USP1: variants seen among roughly 807,000 people sequenced by gnomAD.
USP1 encodes the protein ubiquitin specific peptidase 1, also known as ubiquitin carboxyl-terminal hydrolase 1.
A neutral mutation model predicts 72.2 loss-of-function variants in USP1; 18 were observed. That is an observed-to-expected ratio of 0.25 (90% confidence interval 0.17 to 0.37). The LOEUF is 0.37. Among genes scored for constraint, USP1 ranks in the 10% least tolerant of loss-of-function variants. The pLI, the probability that USP1 is intolerant of heterozygous loss-of-function variation, is 1.00. For synonymous variants in USP1, 354 were observed against 303.7 expected (o/e 1.17, Z -1.72); for missense variants, 759 against 884.9 (o/e 0.86, Z 1.81).
chr1:62,448,374 A>C (rs1177912487), intron 7 of USP1, 91 bp from the exon 8 acceptor site: 2 of 1,286,848 alleles, frequency 1.6e-6, no homozygotes, highest in African/African-American at 3.0e-5. Context: ...CGGTCAATTG[A>C]AATTAAATGC....
At chr1:62,445,628 ATGTG>A (rs200414459) in intron 6 of USP1, among the ~76,000 whole-genome samples, 199 bp downstream of exon 6, 15 of 117,174 alleles carry the variant, frequency 1.3e-4, no homozygotes, top group Non-Finnish European at 2.2e-4. Context: ...ATGCATATAT[ATGTG>A]TGTGTGTGTG....
chr1:62,445,230 C>T lies in USP1; in HGVS notation c.1050C>T (p.Ser350=), dbSNP rs140409730. The T allele has an allele frequency of 3.2e-4, 514 of 1,612,142 alleles. 2 individuals carry two copies. In the African/African-American group the frequency reaches 6.4e-3, roughly 20 times the overall value. ...NWLKSATKQP[S]ILSKFCSLGK... is the part of the protein sequence containing the mutation. The stretch of plus-strand genomic sequence containing the variant: ...TAAAGTCTGCAACTAAGCAACCCAG[C>T]ATTCTTTCTAAATTTTGTAGTCTGG... Residue 350 remains serine (S), a synonymous_variant, in exon 6 of 9, where the codon AGC becomes AGT. Coordinates refer to ENST00000339950, the MANE Select transcript of USP1 (RefSeq NM_003368.5).
At position 62,444,960 on chromosome 1, in the gene USP1, T is replaced by G. The variant is rs1436431562; in HGVS notation, c.780T>G (p.Phe260Leu). 6.2e-6 allele frequency: 10 copies of G among 1,613,556 alleles called. No homozygotes were observed. The highest frequency in any genetic ancestry group is 1.3e-5 in the African/African-American group (1 of 74,860). Reference protein sequence around the residue: ...EMDSMRHSEDFKEKLPKGNGK... With the variant: ...EMDSMRHSEDLKEKLPKGNGK... ...ACAGTATGAGGCATTCTGAAGACTT[T>G]AAAGAGAAACTCCCAAAAGGAAATG... is the stretch of plus-strand genomic sequence containing the variant. The change falls in exon 6 of 9, where the codon TTT becomes TTG. Residue 260 changes from phenylalanine (F) to leucine (L), a missense_variant. Around this residue, in one of 9 missense-constraint regions of USP1, gnomAD observed 245 missense variants for 240.7 expected, o/e 1.02. Coordinates refer to ENST00000339950, the MANE Select transcript of USP1 (RefSeq NM_003368.5).
At chr1:62,448,180 G>C (rs1186496928) in intron 7 of USP1, among the ~76,000 whole-genome samples, 1 of 152,174 alleles carries the variant, frequency 6.6e-6, no homozygotes, top group Non-Finnish European at 1.5e-5. Context: ...TCATGAGACA[G>C]GTTTACCTAT....
At chr1:62,446,959 C>T (rs545267928) in intron 6 of USP1, among the ~76,000 whole-genome samples, 6 of 152,212 alleles carry the variant, frequency 3.9e-5, no homozygotes, top group Non-Finnish European at 7.4e-5. Flanking sequence ...TGATTACAGG[C>T]ATGCACCACC....
In USP1 at chr1:62,444,879, A is replaced by G. The variant is rs1459385983; in HGVS notation, c.699A>G (p.Val233=). The change falls in exon 6 of 9, where the codon GTA becomes GTG. Residue 233 remains valine (V), a synonymous_variant. Transcript: ENST00000339950. Reference sequence around the variant, plus strand: ...ATGTGGCAGAATTACCTACTAAGGTAGAAGAAATACCTCATCCGAAAGAGG... The same window carrying G: ...ATGTGGCAGAATTACCTACTAAGGTGGAAGAAATACCTCATCCGAAAGAGG... The part of the protein sequence containing the change: ...VKNVAELPTK[V]EEIPHPKEEM... 3.8e-5 allele frequency: 61 copies of G among 1,613,618 alleles called. No homozygotes were observed. The highest frequency in any genetic ancestry group is 5.0e-5 in the Non-Finnish European group (59 of 1,179,848).
chr1:62,450,932 C>T lies in USP1; in HGVS notation c.2309C>T (p.Ser770Phe). ...EKDFLNSLSP[S>F]TSPTSTPYLL... ...GACTTTCTGAATTCTCTTTCCCCTT[C>T]TACATCTCCTACTTCTACTCCTTAC... Residue 770 changes from serine (S) to phenylalanine (F), a missense_variant, in exon 9 of 9, where the codon TCT becomes TTT. This residue lies in a region of USP1 where 22 missense variants were observed against 23.4 expected (regional missense o/e 0.94). Transcript: ENST00000339950. The T allele has an allele frequency of 6.2e-7, 1 of 1,610,812 alleles. No homozygotes were observed. Among genetic ancestry groups the T allele is most frequent in the Non-Finnish European group, 8.5e-7 (1 of 1,179,138 alleles).
intron 1 of USP1, 92 bp downstream of exon 1, chr1:62,437,492 C>A: frequency 3.7e-6 from 1 of 267,798 alleles, no homozygotes; most frequent in Non-Finnish European, 7.0e-6. Context: ...ACCCCGGGAC[C>A]GTGTTGGCCT....
chr1:62,442,209 T>C lies in USP1; in HGVS notation c.306T>C (p.Cys102=). The C allele has an allele frequency of 6.3e-7, 1 of 1,592,434 alleles. No individual in the cohort carries two copies. The highest frequency in any genetic ancestry group is 8.6e-7 in the Non-Finnish European group (1 of 1,163,490). ...ACTTTTTATAGGTATTATATTTTTG[T>C]CCCGGTTTTAAATCTGGAGTAAAGC... is the stretch of plus-strand genomic sequence containing the variant. ...LNSILQVLYF[C]PGFKSGVKHL... is the part of the protein sequence containing the mutation. The change falls in exon 4 of 9, where the codon TGT becomes TGC. Residue 102 remains cysteine, a synonymous_variant. Transcript: ENST00000339950.
At position 62,450,616 on chromosome 1, in the gene USP1, G is replaced by C; in HGVS notation, c.1993G>C (p.Ala665Pro). ...SKVLNKKNVE[A>P]IGLLGGQKSK... ...AGTTTTGAACAAAAAAAATGTAGAAGCTATTGGACTTCTTGGAGGACAAAA... is the reference window on the plus strand; with the variant it reads ...AGTTTTGAACAAAAAAAATGTAGAACCTATTGGACTTCTTGGAGGACAAAA... Residue 665 changes from alanine to proline, a missense_variant, in exon 9 of 9, where the codon GCT becomes CCT. Ala to Pro is a conservative substitution (Grantham distance 27). This residue lies in a region of USP1 where 159 missense variants were observed against 140.9 expected (regional missense o/e 1.13). Transcript: ENST00000339950. The C allele has an allele frequency of 1.9e-6, 3 of 1,614,064 alleles. No individual in the cohort carries two copies. Among genetic ancestry groups the C allele is most frequent in the Non-Finnish European group, 2.5e-6 (3 of 1,180,018 alleles).
At chr1:62,438,395 G>C (rs948704399) in intron 1 of USP1, among the ~76,000 whole-genome samples, 15 of 152,170 alleles carry the variant, frequency 9.9e-5, no homozygotes, top group African/African-American at 3.4e-4. Flanking sequence ...AGTGAAGTTG[G>C]AGACAGAATG....
intron 4 of USP1, 83 bp downstream of exon 4, chr1:62,442,382 T>A: frequency 1.1e-6 from 1 of 940,516 alleles, no homozygotes; most frequent in Non-Finnish European, 1.6e-6. Flanking sequence ...TGAAGAGGAC[T>A]GGGGGGGTGG....
intron 7 of USP1, among the ~76,000 whole-genome samples, chr1:62,447,935 C>G (rs980771709): frequency 2.6e-5 from 4 of 152,020 alleles, no homozygotes; most frequent in Non-Finnish European, 5.9e-5. Flanking sequence ...TGCAGGTGCC[C>G]ACCACCACGC....
chr1:62,436,607 G>C (rs1290230298), upstream of USP1: 4 of 152,918 alleles, frequency 2.6e-5, no homozygotes, highest in African/African-American at 9.7e-5. Flanking sequence ...GCGCGGTTTT[G>C]GGGATTGTTC....
At position 62,437,326 on chromosome 1, in the gene USP1, C is replaced by T. The variant is rs546627458; in HGVS notation, c.-144C>T. On this transcript the variant is annotated 5_prime_UTR_variant, in exon 1 of 9. Transcript: ENST00000339950. ...CCGGCGGGCTCGGGGCAGGGACTCACCTGTCGCACCCACACTCATTCGGGT... is the reference window on the plus strand; with the variant it reads ...CCGGCGGGCTCGGGGCAGGGACTCATCTGTCGCACCCACACTCATTCGGGT... The T allele has an allele frequency of 1.3e-5, 5 of 396,302 alleles. No individual in the cohort carries two copies. The highest frequency in any genetic ancestry group is 1.4e-4 in the South Asian group (1 of 7,026). The allele number at this position is 396,302 out of a possible 1,614,324, so 24.5% of individuals were successfully genotyped here.
At position 62,450,304 on chromosome 1, in the gene USP1, A is replaced by G. The variant is rs1224029368; in HGVS notation, c.1681A>G (p.Lys561Glu). ...CAACACTCCTTTATTGACACCTCTT[A>G]AATTGTCACTAGAAGAATGGAGCAC... Reference protein sequence around the residue: ...KINTPLLTPLKLSLEEWSTKP... With the variant: ...KINTPLLTPLELSLEEWSTKP... The change falls in exon 9 of 9, where the codon AAA becomes GAA. Residue 561 changes from lysine (K) to glutamate (E), a missense_variant. Coordinates refer to ENST00000339950, the MANE Select transcript of USP1 (RefSeq NM_003368.5). The G allele has an allele frequency of 6.2e-7, 1 of 1,614,178 alleles. No individual in the cohort carries two copies. Among genetic ancestry groups the G allele is most frequent in the Non-Finnish European group, 8.5e-7 (1 of 1,180,026 alleles).
chr1:62,436,969 C>A, upstream of USP1: 1 of 396,494 alleles, frequency 2.5e-6, no homozygotes, highest in Non-Finnish European at 4.4e-6. Context: ...GAGACTGGAA[C>A]CGGCAATTTC....
At position 62,444,792 on chromosome 1, in the gene USP1, A is replaced by G. The variant is rs750116301; in HGVS notation, c.612A>G (p.Leu204=). Residue 204 remains leucine (L), a synonymous_variant, in exon 6 of 9, where the codon TTA becomes TTG. Coordinates refer to ENST00000339950, the MANE Select transcript of USP1 (RefSeq NM_003368.5). Reference sequence around the variant, plus strand: ...TACAGCATGATGCACAGGAAGTATTACAATGTATTTTGGGAAACATTCAAG... The same window carrying G: ...TACAGCATGATGCACAGGAAGTATTGCAATGTATTTTGGGAAACATTCAAG... ...GYLQHDAQEV[L]QCILGNIQET... The G allele has an allele frequency of 5.6e-6, 9 of 1,612,766 alleles. No homozygotes were observed. The highest frequency in any genetic ancestry group is 1.7e-5 in the Admixed American group (1 of 59,832).
rs1252015989 is a variant in USP1, at chr1:62,450,975, A to G, written c.2352A>G (p.Lys784=). 6.3e-7 allele frequency: 1 copy of G among 1,583,320 alleles called. No individual in the cohort carries two copies. Among genetic ancestry groups the G allele is most frequent in the Non-Finnish European group, 8.5e-7 (1 of 1,170,812 alleles). ...TSTPYLLFYK[K]L is the part of the protein sequence containing the mutation. ...CTCCTTACTTGCTATTTTATAAGAA[A>G]TTATAGAGTGAGTGTATTTTCCTTG... The change falls in exon 9 of 9, where the codon AAA becomes AAG. Residue 784 remains lysine, a synonymous_variant. Transcript: ENST00000339950.
Sources: gnomAD v4.1 joint callset for allele counts (sites outside exome capture counted in the v4.1 genomes callset) on GRCh38, gnomAD v4.1.1 for gene constraint, gnomAD v4.1.1 regional missense constraint, MANE v1.5 for transcripts, NCBI Gene and HGNC (gene_info 2026-07-23, HGNC 2026-07-21) for gene names.